SLC44A1: variants seen among roughly 807,000 people sequenced by gnomAD.
The protein encoded by SLC44A1 is choline transporter-like protein 1.
A neutral mutation model predicts 79.3 loss-of-function variants in SLC44A1; 26 were observed. The observed-to-expected ratio is 0.33, with a 90% CI of 0.24 to 0.46. The LOEUF (loss-of-function observed/expected upper bound fraction) is 0.46, where lower values mean the gene tolerates loss of function less well. Among genes scored for constraint, SLC44A1 ranks in the 20% least tolerant of loss-of-function variants. The probability of loss-of-function intolerance (pLI) is 1.00; values close to 1 mark genes in which losing one functional copy is unlikely to be tolerated. For missense variants in SLC44A1, 688 were observed against 798.1 expected (o/e 0.86, Z 1.66); for synonymous variants, 263 against 286.2 (o/e 0.92, Z 0.82).
rs1355975273 is a variant in SLC44A1 at position 105,285,256 on chromosome 9, G to T, written c.37-13964G>T. 7.2e-5 allele frequency among the ~76,000 whole-genome samples: 11 copies of T among 152,142 alleles called. No individual in the cohort carries two copies. In the East Asian group the frequency reaches 2.1e-3, roughly 29 times the overall value. ...TCAAGTGTTTTACAGAATTTAGGTG[G>T]AAGTTACAGATGGCTAGGAGGAAAC... On this transcript the variant is annotated intron_variant, in intron 1 of 15. Coordinates refer to ENST00000374720, the MANE Select transcript of SLC44A1 (RefSeq NM_080546.5).
At chr9:105,405,204 C>G (rs1435580545) in intron 15 of SLC44A1, among the ~76,000 whole-genome samples, 1 of 151,842 alleles carries the variant, frequency 6.6e-6, no homozygotes, top group Admixed American at 6.6e-5. Flanking sequence ...ACCTGCAATC[C>G]CAGCTACTCG....
chr9:105,318,836 C>T (rs563923124), intron 3 of SLC44A1, among the ~76,000 whole-genome samples: 5 of 151,746 alleles, frequency 3.3e-5, no homozygotes, highest in Admixed American at 2.0e-4. Context: ...TGCAGCTAGG[C>T]GGCAAGGAAG....
chr9:105,288,967 A>G (rs1202044901), intron 1 of SLC44A1, among the ~76,000 whole-genome samples: 1 of 152,210 alleles, frequency 6.6e-6, no homozygotes, highest in Non-Finnish European at 1.5e-5. Context: ...CGCATTTCCA[A>G]AACTTATTTA....
chr9:105,377,097 C>T (rs1363289967), intron 13 of SLC44A1, among the ~76,000 whole-genome samples: 1 of 152,112 alleles, frequency 6.6e-6, no homozygotes, highest in Non-Finnish European at 1.5e-5. Flanking sequence ...GTAACTGCAA[C>T]AAATACAGCA....
chr9:105,253,253 A>G (rs544443342), intron 1 of SLC44A1, among the ~76,000 whole-genome samples: 2 of 152,334 alleles, frequency 1.3e-5, no homozygotes, highest in Admixed American at 1.3e-4. Flanking sequence ...TATGTTTATA[A>G]TATGTAAAGT....
At chr9:105,409,637 A>G (rs934576066) in intron 15 of SLC44A1, among the ~76,000 whole-genome samples, 5 of 152,208 alleles carry the variant, frequency 3.3e-5, no homozygotes, top group African/African-American at 9.6e-5. Context: ...GTGAGCTATG[A>G]TCACGCCACT....
At chr9:105,368,362 C>G (rs897967437) in intron 12 of SLC44A1, among the ~76,000 whole-genome samples, 1 of 152,120 alleles carries the variant, frequency 6.6e-6, no homozygotes, top group African/African-American at 2.4e-5. Context: ...TTTGGGAATA[C>G]AAAGTGCTAC....
intron 2 of SLC44A1, among the ~76,000 whole-genome samples, chr9:105,309,387 A>G (rs1831115761): frequency 1.3e-5 from 2 of 152,202 alleles, no homozygotes; most frequent in Non-Finnish European, 2.9e-5. Flanking sequence ...ATAACGTACT[A>G]CAAGCACCTA....
intron 12 of SLC44A1, among the ~76,000 whole-genome samples, chr9:105,373,134 C>T (rs1473392372): frequency 1.3e-5 from 2 of 152,112 alleles, no homozygotes; most frequent in South Asian, 2.1e-4. Flanking sequence ...TTAGAATATT[C>T]GTAAATTGTA....
chr9:105,369,144 G>A (rs1489876284), intron 12 of SLC44A1, among the ~76,000 whole-genome samples: 1 of 152,216 alleles, frequency 6.6e-6, no homozygotes, highest in Non-Finnish European at 1.5e-5. Context: ...AAAGCCTACA[G>A]TATGGGTTTG....
chr9:105,435,611 G>A (rs1352031543), intron 15 of SLC44A1, among the ~76,000 whole-genome samples: 19 of 152,162 alleles, frequency 1.2e-4, no homozygotes, highest in Admixed American at 1.2e-3. Context: ...GCAGGAACTA[G>A]CTGTTTCTTT....
chr9:105,295,021 ATGTT>A (rs1241163715), intron 1 of SLC44A1, among the ~76,000 whole-genome samples: 3 of 151,586 alleles, frequency 2.0e-5, no homozygotes, highest in Admixed American at 1.3e-4. Context: ...CTTTGTTACC[ATGTT>A]TGTTTGTTTG....
rs748450799 is a variant in SLC44A1, at chr9:105,389,982, C to A, written c.*926C>A. The A allele has an allele frequency of 2.7e-5, 40 of 1,455,454 alleles. No homozygotes were observed. Among genetic ancestry groups the A allele is most frequent in the Non-Finnish European group, 3.5e-5 (39 of 1,104,812 alleles). 90.2% of individuals were successfully genotyped at this position (1,455,454 alleles called of 1,614,324 possible). ...ATTGAAAATTCCGGTGCTTGGGCTT[C>A]GGCTTCAGAGTAACGTCAGTGGCTT... On this transcript the variant is annotated 3_prime_UTR_variant, in exon 16 of 16. Transcript: ENST00000374720.
At chr9:105,374,040 A>C (rs532453685) in intron 12 of SLC44A1, among the ~76,000 whole-genome samples, 4 of 152,192 alleles carry the variant, frequency 2.6e-5, no homozygotes, top group Non-Finnish European at 5.9e-5. Context: ...TTTCTCAAAA[A>C]AGATTTAGGG....
intron 1 of SLC44A1, among the ~76,000 whole-genome samples, chr9:105,265,074 G>A (rs567427391): frequency 6.6e-6 from 1 of 152,190 alleles, no homozygotes; most frequent in South Asian, 2.1e-4. Flanking sequence ...GGGATTACAG[G>A]TGTGAGCCAC....
At chr9:105,375,551 G>T (rs1226321059) in intron 13 of SLC44A1, among the ~76,000 whole-genome samples, 4 of 152,168 alleles carry the variant, frequency 2.6e-5, no homozygotes, top group African/African-American at 9.7e-5. Context: ...CTAGGGTCAT[G>T]AGATTAATGC....
rs1284455560 is a variant in SLC44A1, at chr9:105,396,491, GCTC to G, written c.*7438_*7440del. ...CTGAACTCCTTGAGTTTAGAATAGA[GCTC>G]CTAGAATAATAAGGCGGCCAAATTT... On this transcript the variant is annotated 3_prime_UTR_variant, in exon 16 of 16. Transcript: ENST00000374720. The G allele has an allele frequency of 5.1e-6, 5 of 985,262 alleles. No homozygotes were observed. The highest frequency in any genetic ancestry group is 3.6e-6 in the Non-Finnish European group (3 of 829,906). The allele number at this position is 985,262 out of a possible 1,614,324, so 61.0% of individuals were successfully genotyped here. A position where few individuals can be genotyped will look rare whatever the true frequency, so the allele number is the denominator to read the frequency against.
chr9:105,348,929 G>A (rs1827321513), intron 5 of SLC44A1, among the ~76,000 whole-genome samples: 1 of 152,080 alleles, frequency 6.6e-6, no homozygotes, highest in African/African-American at 2.4e-5. Context: ...AACATTCTCT[G>A]TATTAGGTTG....
Position 105,279,607 on chromosome 9 carries a change from C to T in SLC44A1, c.37-19613C>T, listed in dbSNP as rs187713402. On this transcript the variant is annotated intron_variant, in intron 1 of 15. Coordinates refer to ENST00000374720, the MANE Select transcript of SLC44A1 (RefSeq NM_080546.5). ...CTGGGATTACAGGCGTGAGCCACTG[C>T]GCCTGGCCGAGAAAACTGTATCTTT... Among the ~76,000 whole-genome samples the T allele has an allele frequency of 2.1e-3, 317 of 152,242 alleles. 6 individuals are homozygous for T. Among genetic ancestry groups the T allele is most frequent in the Non-Finnish European group, 3.2e-4 (22 of 68,026 alleles).
Sources: allele counts gnomAD v4.1 joint callset (sites outside exome capture counted in the v4.1 genomes callset), GRCh38; gene constraint gnomAD v4.1.1; transcripts MANE v1.5; gene names NCBI Gene and HGNC (gene_info 2026-07-23, HGNC 2026-07-21).